ZDHHC2: variants seen among roughly 807,000 people sequenced by gnomAD.
The protein encoded by ZDHHC2 is palmitoyltransferase ZDHHC2.
Under a neutral mutation model 55.6 loss-of-function variants are expected in ZDHHC2, and 51 were observed. The observed-to-expected ratio is 0.92, with a 90% CI of 0.73 to 1.16. ZDHHC2 has a LOEUF of 1.16. Ranked by LOEUF, ZDHHC2 falls within the 50% of genes most tolerant of loss-of-function variation. ZDHHC2 has a pLI of 0.00. For synonymous variants in ZDHHC2, 199 were observed against 152.9 expected (o/e 1.30, Z -2.22); for missense variants, 491 against 442.4 (o/e 1.11, Z -0.99).
chr8:17,173,084 CAG>C (rs1405003269), intron 1 of ZDHHC2, among the ~76,000 whole-genome samples: 1 of 152,138 alleles, frequency 6.6e-6, no homozygotes, highest in African/African-American at 2.4e-5. Context: ...TCAGAAGTAA[CAG>C]GGAGTGGCAA....
At chr8:17,180,670 C>G (rs1413697630) in intron 1 of ZDHHC2, among the ~76,000 whole-genome samples, 1 of 152,196 alleles carries the variant, frequency 6.6e-6, no homozygotes, top group Non-Finnish European at 1.5e-5. Flanking sequence ...AGCCCTAATG[C>G]TACTGCTGCA....
intron 1 of ZDHHC2, among the ~76,000 whole-genome samples, chr8:17,164,334 C>T (rs1698486435): frequency 6.6e-6 from 1 of 152,144 alleles, no homozygotes; most frequent in South Asian, 2.1e-4. Context: ...GAAGTGCATA[C>T]TTAATGGTAG....
chr8:17,215,447 T>G, intron 11 of ZDHHC2, 98 bp downstream of exon 11: 1 of 951,596 alleles, frequency 1.1e-6, no homozygotes, highest in Non-Finnish European at 1.6e-6. Flanking sequence ...AGATGTTTTC[T>G]TAGTTTGGAG....
At chr8:17,189,638 G>A (rs1168510671) in intron 3 of ZDHHC2, among the ~76,000 whole-genome samples, 5 of 152,206 alleles carry the variant, frequency 3.3e-5, no homozygotes, top group African/African-American at 1.2e-4. Context: ...TTGGCTAACA[G>A]TGAAGACCTA....
intron 1 of ZDHHC2, among the ~76,000 whole-genome samples, chr8:17,180,670 C>T (rs1413697630): frequency 6.6e-6 from 1 of 152,196 alleles, no homozygotes; most frequent in Non-Finnish European, 1.5e-5. Flanking sequence ...AGCCCTAATG[C>T]TACTGCTGCA....
intron 1 of ZDHHC2, among the ~76,000 whole-genome samples, chr8:17,174,131 C>G (rs1045609106): frequency 6.6e-6 from 1 of 151,034 alleles, no homozygotes; most frequent in African/African-American, 2.4e-5. Context: ...GCTCTGTCTC[C>G]CAATCTGGAA....
At chr8:17,191,531 T>A (rs1806030021) in intron 3 of ZDHHC2, among the ~76,000 whole-genome samples, 1 of 152,236 alleles carries the variant, frequency 6.6e-6, no homozygotes, top group Non-Finnish European at 1.5e-5. Context: ...GTTGTTTTAA[T>A]TTTTAGCTCC....
chr8:17,167,239 T>C (rs1242433912), intron 1 of ZDHHC2, among the ~76,000 whole-genome samples: 1 of 152,124 alleles, frequency 6.6e-6, no homozygotes, highest in African/African-American at 2.4e-5. Flanking sequence ...GATCATCTAT[T>C]TTGGCTTTTT....
chr8:17,207,384 CAGG>C (rs1041013830), intron 7 of ZDHHC2, among the ~76,000 whole-genome samples: 13 of 152,126 alleles, frequency 8.5e-5, no homozygotes, highest in African/African-American at 3.1e-4. Flanking sequence ...TTATTTTAGA[CAGG>C]TGTTATGCAC....
In ZDHHC2 at chr8:17,199,572, TTG is replaced by T. The variant is rs1806582912; in HGVS notation, c.476+1161_476+1162del. Reference sequence around the variant, plus strand: ...GTCTTCGTCTTCGTCTTCTTCGTCTTTGTCTTCTTCTTCTTCTTTCTTCTTCT... The same window carrying T: ...GTCTTCGTCTTCGTCTTCTTCGTCTTTCTTCTTCTTCTTCTTTCTTCTTCT... On this transcript the variant is annotated intron_variant, in intron 6 of 12. Transcript: ENST00000262096. Among the ~76,000 whole-genome samples the T allele has an allele frequency of 5.2e-5, 4 of 76,366 alleles. 1 individual carries two copies. Among genetic ancestry groups the T allele is most frequent in the Admixed American group, 2.9e-4 (2 of 6,970 alleles). The allele number at this position is 76,366 out of a possible 152,430, so 50.1% of individuals were successfully genotyped here. A position where few individuals can be genotyped will look rare whatever the true frequency, so the allele number is the denominator to read the frequency against.
intron 6 of ZDHHC2, among the ~76,000 whole-genome samples, chr8:17,204,859 A>T (rs1807017684): frequency 6.6e-6 from 1 of 152,174 alleles, no homozygotes. Flanking sequence ...AAATCTTAAC[A>T]AAAAGAAAGT....
chr8:17,182,399 A>G (rs1805473430), intron 1 of ZDHHC2, among the ~76,000 whole-genome samples: 1 of 152,172 alleles, frequency 6.6e-6, no homozygotes, highest in Admixed American at 6.5e-5. Context: ...TGCTAAAATA[A>G]TGATTTTTAT....
At position 17,172,438 on chromosome 8, in the gene ZDHHC2, T is replaced by A. The variant is rs1804904623; in HGVS notation, c.131-12351T>A. Among the ~76,000 whole-genome samples, 3 of 152,064 alleles carry A rather than the reference T, an allele frequency of 2.0e-5. No individual in the cohort carries two copies. In the South Asian group the frequency reaches 6.2e-4, roughly 31 times the overall value. ...GCCAGGGGCTGAAGGGAGAAGGAGATGGGGAGTGGGCTGCAGTTTAGTGGG... is the reference window on the plus strand; with the variant it reads ...GCCAGGGGCTGAAGGGAGAAGGAGAAGGGGAGTGGGCTGCAGTTTAGTGGG... On this transcript the variant is annotated intron_variant, in intron 1 of 12. Coordinates refer to ENST00000262096, the MANE Select transcript of ZDHHC2 (RefSeq NM_016353.5).
At chr8:17,181,524 G>C (rs1467926816) in intron 1 of ZDHHC2, among the ~76,000 whole-genome samples, 1 of 152,074 alleles carries the variant, frequency 6.6e-6, no homozygotes, top group East Asian at 1.9e-4. Context: ...TCAATAACTG[G>C]TTTAAAGGAA....
intron 6 of ZDHHC2, among the ~76,000 whole-genome samples, chr8:17,203,807 TTC>T (rs1339473908): frequency 3.0e-5 from 3 of 100,818 alleles, no homozygotes; most frequent in Non-Finnish European, 4.4e-5. Flanking sequence ...CTTCTTTTTT[TTC>T]TTTTTTTTTT....
chr8:17,156,844 C>T lies in ZDHHC2; in HGVS notation c.121C>T (p.Leu41=), dbSNP rs753192373. 2.4e-5 allele frequency: 36 copies of T among 1,513,570 alleles called. No individual in the cohort carries two copies. In the South Asian group the frequency reaches 4.3e-4, roughly 18 times the overall value. 93.8% of individuals were successfully genotyped at this position (1,513,570 alleles called of 1,614,324 possible). Residue 41 remains leucine (L), a synonymous_variant, in exon 1 of 13, where the codon CTG becomes TTG. Coordinates refer to ENST00000262096, the MANE Select transcript of ZDHHC2 (RefSeq NM_016353.5). ...GWSYYAYAIQ[L]CIVSMENTGE... The stretch of plus-strand genomic sequence containing the variant: ...GTCCTACTACGCCTACGCCATCCAG[C>T]TGTGCATAGGTGAGTGCGCCCCCCG...
At chr8:17,168,893 T>C (rs1384934687) in intron 1 of ZDHHC2, among the ~76,000 whole-genome samples, 2 of 152,216 alleles carry the variant, frequency 1.3e-5, no homozygotes, top group Non-Finnish European at 1.5e-5. Context: ...CTGAATAATA[T>C]TTCGTGGCAT....
intron 6 of ZDHHC2, among the ~76,000 whole-genome samples, chr8:17,201,359 G>A (rs536095889): frequency 7.3e-5 from 11 of 151,444 alleles, no homozygotes; most frequent in Non-Finnish European, 1.0e-4. Flanking sequence ...AAATGTTTCC[G>A]TATGAATATA....
chr8:17,201,036 G>T (rs1036559987), intron 6 of ZDHHC2, among the ~76,000 whole-genome samples: 1 of 152,162 alleles, frequency 6.6e-6, no homozygotes, highest in African/African-American at 2.4e-5. Flanking sequence ...CAGCTGAATG[G>T]AGCAGCCATT....
Sources: allele counts gnomAD v4.1 joint callset (sites outside exome capture counted in the v4.1 genomes callset), GRCh38; gene constraint gnomAD v4.1.1; transcripts MANE v1.5; gene names NCBI Gene and HGNC (gene_info 2026-07-23, HGNC 2026-07-21).